IMPG1: variants seen among roughly 807,000 people sequenced by gnomAD.
IMPG1 encodes interphotoreceptor matrix proteoglycan of 150 kDa.
A neutral mutation model predicts 92.0 loss-of-function variants in IMPG1; 85 were observed. The ratio of observed to expected loss-of-function variants is 0.92; its 90% confidence interval spans 0.78 to 1.11. The LOEUF (loss-of-function observed/expected upper bound fraction) is 1.11, where lower values mean the gene tolerates loss of function less well. IMPG1 is among the 50% of genes least tolerant of loss of function. The probability of loss-of-function intolerance (pLI) is 0.00; values close to 1 mark genes in which losing one functional copy is unlikely to be tolerated. For synonymous variants in IMPG1, 367 were observed against 334.1 expected (o/e 1.10, Z -1.08); for missense variants, 1,022 against 956.0 (o/e 1.07, Z -0.91).
At chr6:76,018,964 G>T in intron 6 of IMPG1, 106 bp from the exon 7 acceptor site, 1 of 1,041,878 alleles carries the variant, frequency 9.6e-7, no homozygotes, top group Non-Finnish European at 1.3e-6. Context: ...GATTATGAAG[G>T]CTTAAGTGTT....
intron 15 of IMPG1, among the ~76,000 whole-genome samples, chr6:75,925,650 G>T (rs370184154): frequency 6.9e-6 from 1 of 144,198 alleles, no homozygotes; most frequent in South Asian, 2.4e-4. Flanking sequence ...AACACAGTGA[G>T]ACCCTATCTG....
chr6:76,030,110 A>T (rs1467284373), intron 4 of IMPG1, among the ~76,000 whole-genome samples: 1 of 152,198 alleles, frequency 6.6e-6, no homozygotes, highest in African/African-American at 2.4e-5. Flanking sequence ...GATAAAGGGC[A>T]TGTTAATATC....
chr6:76,056,427 T>A, intron 1 of IMPG1, among the ~76,000 whole-genome samples: 1 of 152,158 alleles, frequency 6.6e-6, no homozygotes, highest in East Asian at 1.9e-4. Context: ...GATGGAAATG[T>A]GAAAATAGTC....
chr6:76,024,979 G>A (rs1035378118), intron 5 of IMPG1: 2 of 599,470 alleles, frequency 3.3e-6, no homozygotes, highest in Non-Finnish European at 3.1e-6. Flanking sequence ...CAAACTGTAA[G>A]ATATTGAATG....
At chr6:75,998,179 A>G (rs1054851645) in intron 12 of IMPG1, among the ~76,000 whole-genome samples, 3 of 152,364 alleles carry the variant, frequency 2.0e-5, no homozygotes, top group Non-Finnish European at 4.4e-5. Context: ...GCTTTTTACT[A>G]GACAGATTAA....
intron 12 of IMPG1, among the ~76,000 whole-genome samples, chr6:75,955,948 G>T (rs1214631230): frequency 2.0e-5 from 3 of 152,192 alleles, no homozygotes; most frequent in Non-Finnish European, 2.9e-5. Context: ...CAGGGATGGA[G>T]CTGACTTGAT....
chr6:75,923,102 TGTAAAATAAAATTATTTTA>T (rs910121101), intron 16 of IMPG1, among the ~76,000 whole-genome samples: 18 of 152,224 alleles, frequency 1.2e-4, no homozygotes, highest in African/African-American at 3.6e-4. Flanking sequence ...TATTTTCCTT[TGTAAAATAAAATTATTTTA>T]GTAAAATAAG....
intron 1 of IMPG1, among the ~76,000 whole-genome samples, chr6:76,072,114 C>G (rs539168729): frequency 2.6e-5 from 4 of 152,152 alleles, no homozygotes; most frequent in African/African-American, 9.6e-5. Context: ...GTTAGTTTCA[C>G]AGATCTACTA....
intron 15 of IMPG1, among the ~76,000 whole-genome samples, chr6:75,925,862 C>T (rs1479434726): frequency 1.3e-5 from 2 of 152,160 alleles, no homozygotes; most frequent in Non-Finnish European, 2.9e-5. Context: ...GACAGGGTTT[C>T]ACCATGTTGG....
chr6:76,006,080 TG>T (rs1783091974), intron 9 of IMPG1, among the ~76,000 whole-genome samples: 1 of 152,118 alleles, frequency 6.6e-6, no homozygotes, highest in Non-Finnish European at 1.5e-5. Context: ...CTGCCTGCTG[TG>T]GCCTCCCAAA....
intron 12 of IMPG1, among the ~76,000 whole-genome samples, chr6:75,972,836 A>G (rs1415865420): frequency 2.0e-5 from 3 of 152,316 alleles, no homozygotes; most frequent in African/African-American, 4.8e-5. Flanking sequence ...AGTTGCATTT[A>G]TGGCTATCTT....
intron 12 of IMPG1, among the ~76,000 whole-genome samples, chr6:75,997,791 TC>T (rs1782926834): frequency 6.6e-6 from 1 of 152,234 alleles, no homozygotes; most frequent in Non-Finnish European, 1.5e-5. Flanking sequence ...TAAGAACATA[TC>T]TTTTTACTTC....
At chr6:76,022,674 A>G (rs186074076) in intron 5 of IMPG1, among the ~76,000 whole-genome samples, 12 of 152,356 alleles carry the variant, frequency 7.9e-5, no homozygotes, top group African/African-American at 1.2e-4. Context: ...TTAAGATGCT[A>G]TGAATTTCAC....
At chr6:76,063,040 C>T (rs1047252062) in intron 1 of IMPG1, among the ~76,000 whole-genome samples, 2 of 151,602 alleles carry the variant, frequency 1.3e-5, no homozygotes, top group African/African-American at 2.4e-5. Flanking sequence ...CCTGCCTCTA[C>T]TGAAAATACA....
chr6:75,947,223 G>A, intron 14 of IMPG1, 91 bp downstream of exon 14: 1 of 944,260 alleles, frequency 1.1e-6, no homozygotes, highest in Non-Finnish European at 1.6e-6. Context: ...GATTTTTGTG[G>A]CCTAAAGATT....
intron 14 of IMPG1, among the ~76,000 whole-genome samples, chr6:75,937,798 C>T (rs944904766): frequency 1.3e-5 from 2 of 152,194 alleles, no homozygotes; most frequent in South Asian, 2.1e-4. Context: ...GGATGTCAGA[C>T]TGTAATTAAT....
chr6:76,044,651 G>A (rs1022180686), intron 1 of IMPG1, among the ~76,000 whole-genome samples: 7 of 152,094 alleles, frequency 4.6e-5, no homozygotes, highest in African/African-American at 1.7e-4. Context: ...TTTTCCAGGT[G>A]GATCCTTTTG....
rs1356961292 is a variant in IMPG1, at chr6:75,928,948, TAG to T, written c.2243+2003_2243+2004del. On this transcript the variant is annotated intron_variant, in intron 15 of 16. Transcript: ENST00000369950. ...ATTTTTCCGTCTATGGCAGCTCCAGTAGAGTTATATATATTATTGCCTTTAGC... is the reference window on the plus strand; with the variant it reads ...ATTTTTCCGTCTATGGCAGCTCCAGTAGTTATATATATTATTGCCTTTAGC... Among the ~76,000 whole-genome samples, 2 of 152,190 alleles carry T rather than the reference TAG, an allele frequency of 1.3e-5. 1 individual carries two copies. The highest frequency in any genetic ancestry group is 2.9e-5 in the Non-Finnish European group (2 of 68,024).
chr6:75,939,048 A>G (rs1781795788), intron 14 of IMPG1, among the ~76,000 whole-genome samples: 6 of 152,152 alleles, frequency 3.9e-5, no homozygotes, highest in Admixed American at 3.9e-4. Context: ...CATGTTGCCC[A>G]GGCTGGTCTT....
Sources: gnomAD v4.1 joint callset for allele counts (sites outside exome capture counted in the v4.1 genomes callset) on GRCh38, gnomAD v4.1.1 for gene constraint, MANE v1.5 for transcripts, NCBI Gene and HGNC (gene_info 2026-07-23, HGNC 2026-07-21) for gene names.